Variants in PRMT8 observed in about 807,000 individuals in gnomAD.
PRMT8 encodes protein arginine methyltransferase 8, also known as protein arginine N-methyltransferase 8.
Under a neutral mutation model 47.1 loss-of-function variants are expected in PRMT8, and 7 were observed. That is an observed-to-expected ratio of 0.15 (90% confidence interval 0.08 to 0.28). The LOEUF is 0.28. Among genes scored for constraint, PRMT8 ranks in the 10% least tolerant of loss-of-function variants. The pLI, the probability that PRMT8 is intolerant of heterozygous loss-of-function variation, is 1.00. For missense variants in PRMT8, 237 were observed against 505.4 expected (o/e 0.47, Z 5.09); for synonymous variants, 188 against 186.5 (o/e 1.01, Z -0.07).
chr12:3,548,854 A>T (rs1866370324), intron 2 of PRMT8, among the ~76,000 whole-genome samples: 1 of 152,228 alleles, frequency 6.6e-6, no homozygotes, highest in Admixed American at 6.5e-5. Context: ...AAATGAAAAC[A>T]TATCCTTTGC....
Position 3,550,133 on chromosome 12 carries a change from C to A in PRMT8, c.417+42C>A. 1 of 1,605,854 alleles carries A rather than the reference C, an allele frequency of 6.2e-7. No homozygotes were observed. The highest frequency in any genetic ancestry group is 8.5e-7 in the Non-Finnish European group (1 of 1,174,502). On this transcript the variant is annotated intron_variant, in intron 3 of 9. Transcript: ENST00000382622. This position sits in a 1 kb window ranked among gnomAD's most constrained non-coding sequence, Gnocchi z 5.1. ...CTCCTGCATGCTGGCTTCCACAGAG[C>A]CAGCCTCTTGCCCTCTGCCTCCACC...
chr12:3,560,129 G>A (rs954705526), intron 4 of PRMT8, among the ~76,000 whole-genome samples: 2 of 152,182 alleles, frequency 1.3e-5, no homozygotes, highest in African/African-American at 4.8e-5. Flanking sequence ...AGGCCACGCA[G>A]GGCCCTGGCT....
chr12:3,483,450 GTT>G (rs3839983), intron 1 of PRMT8, among the ~76,000 whole-genome samples: 1 of 151,050 alleles, frequency 6.6e-6, no homozygotes, highest in Non-Finnish European at 1.5e-5. Context: ...AACCATGATA[GTT>G]TTTTTTTTCC....
chr12:3,547,577 A>G (rs913037679), intron 2 of PRMT8, among the ~76,000 whole-genome samples: 1 of 152,236 alleles, frequency 6.6e-6, no homozygotes, highest in Non-Finnish European at 1.5e-5. Flanking sequence ...CCGGCATTCA[A>G]GACCATCCTG....
chr12:3,568,934 A>G, intron 5 of PRMT8, 86 bp downstream of exon 5: 1 of 1,549,548 alleles, frequency 6.5e-7, no homozygotes, highest in Non-Finnish European at 8.8e-7. Flanking sequence ...AGGCATACGA[A>G]GACTTCAGAG....
In PRMT8 at chr12:3,593,749, C is replaced by T. The variant is rs34331631; in HGVS notation, c.*567C>T. ...AGGGGTGTGTGTGTGTGTGCGTGCG[C>T]GTGTGCCTAGAATATATATTACTCT... On this transcript the variant is annotated 3_prime_UTR_variant, in exon 10 of 10. Transcript: ENST00000382622. The surrounding 1 kb of genome is among the most constrained non-coding windows in gnomAD (Gnocchi z 4.8). The T allele has an allele frequency of 2.2e-3, 348 of 155,016 alleles. No homozygotes were observed. Among genetic ancestry groups the T allele is most frequent in the Non-Finnish European group, 4.0e-3 (280 of 69,862 alleles). The allele number at this position is 155,016 out of a possible 1,614,324, so 9.6% of individuals were successfully genotyped here.
At chr12:3,523,036 C>T (rs2137143799) in intron 1 of PRMT8, among the ~76,000 whole-genome samples, 3 of 152,008 alleles carry the variant, frequency 2.0e-5, no homozygotes, top group Middle Eastern at 3.4e-3. Flanking sequence ...AACTAATAGT[C>T]AGCAGAATTA....
At position 3,481,667 on chromosome 12, in the gene PRMT8, G is replaced by A. The variant is rs138404766; in HGVS notation, c.49-58939G>A. 6.7e-3 allele frequency among the ~76,000 whole-genome samples: 1,018 copies of A among 152,302 alleles called. 7 individuals are homozygous for A. The highest frequency in any genetic ancestry group is 0.012 in the Non-Finnish European group (797 of 68,032). The stretch of plus-strand genomic sequence containing the variant: ...GAGTATTGACTGAGGGCAGCCAGAG[G>A]TGAAGAAGACGTGAACCTATGATGT... On this transcript the variant is annotated intron_variant, in intron 1 of 9. Coordinates refer to the PRMT8 transcript ENST00000452611.
rs1230824937 is a variant in PRMT8 at position 3,547,856 on chromosome 12, A to G, written c.262-2080A>G. Among the ~76,000 whole-genome samples the G allele has an allele frequency of 1.3e-5, 2 of 152,246 alleles. 1 individual carries two copies. Among genetic ancestry groups the G allele is most frequent in the Non-Finnish European group, 2.9e-5 (2 of 68,046 alleles). On this transcript the variant is annotated intron_variant, in intron 2 of 9. Coordinates refer to ENST00000382622, the MANE Select transcript of PRMT8 (RefSeq NM_019854.5). The stretch of plus-strand genomic sequence containing the variant: ...TCTCCCCAAATTGATCTATAGATTT[A>G]ATACAAGTCTGATAGATGCCAGGAG...
upstream of PRMT8, among the ~76,000 whole-genome samples, chr12:3,489,436 T>C (rs1441915927): frequency 6.6e-6 from 1 of 151,730 alleles, no homozygotes; most frequent in Non-Finnish European, 1.5e-5. Flanking sequence ...CATGGGCAAA[T>C]GTCCTCCTCT....
intron 1 of PRMT8, among the ~76,000 whole-genome samples, chr12:3,435,314 T>C (rs1864726996): frequency 6.6e-6 from 1 of 152,088 alleles, no homozygotes; most frequent in African/African-American, 2.4e-5. Context: ...AGCTGGTGAG[T>C]TGAAGGGTTT....
chr12:3,491,987 T>A (rs1039574815), intron 1 of PRMT8, among the ~76,000 whole-genome samples: 1 of 151,704 alleles, frequency 6.6e-6, no homozygotes, highest in Non-Finnish European at 1.5e-5. Context: ...TGCCACCCGC[T>A]GCTCCCTTCT....
intron 8 of PRMT8, among the ~76,000 whole-genome samples, chr12:3,588,720 G>A (rs2137236068): frequency 1.3e-5 from 2 of 152,336 alleles, no homozygotes; most frequent in South Asian, 4.1e-4. Context: ...AAATGTAGAA[G>A]AAAAGCTGCC....
intron 1 of PRMT8, among the ~76,000 whole-genome samples, chr12:3,414,942 T>A (rs1864469260): frequency 6.6e-6 from 1 of 151,986 alleles, no homozygotes. Flanking sequence ...AACAGCAACA[T>A]TTGGGCAGAA....
At chr12:3,540,346 G>A (rs989518964) in intron 1 of PRMT8, among the ~76,000 whole-genome samples, 1 of 152,158 alleles carries the variant, frequency 6.6e-6, no homozygotes, top group Non-Finnish European at 1.5e-5. Flanking sequence ...GCATTGCTCA[G>A]GTCACCTAGC....
chr12:3,513,411 T>G (rs1865742535), intron 1 of PRMT8, among the ~76,000 whole-genome samples: 1 of 152,150 alleles, frequency 6.6e-6, no homozygotes, highest in South Asian at 2.1e-4. Flanking sequence ...TGAACAGGGA[T>G]TTTATATCTA....
intron 1 of PRMT8, among the ~76,000 whole-genome samples, chr12:3,431,876 C>T (rs1353268528): frequency 6.6e-6 from 1 of 152,154 alleles, no homozygotes; most frequent in Non-Finnish European, 1.5e-5. Flanking sequence ...GAGGCTTGAG[C>T]ATATTTACCT....
In PRMT8 at chr12:3,569,515, G is replaced by A. The variant is rs760251552; in HGVS notation, c.663G>A (p.Leu221=). Residue 221 remains leucine (L), a synonymous_variant, in exon 6 of 10, where the codon TTG becomes TTA. Transcript: ENST00000382622. The surrounding 1 kb of genome is among the most constrained non-coding windows in gnomAD (Gnocchi z 8.2). ...GGLMFPDRAA[L]YVVAIEDRQY... is the part of the protein sequence containing the mutation. Reference sequence around the variant, plus strand: ...TTATGTTTCCAGACCGGGCAGCTTTGTACGTGGTAGCGATTGAAGACAGAC... The same window carrying A: ...TTATGTTTCCAGACCGGGCAGCTTTATACGTGGTAGCGATTGAAGACAGAC... 3.1e-6 allele frequency: 5 copies of A among 1,614,186 alleles called. No individual in the cohort carries two copies. Among genetic ancestry groups the A allele is most frequent in the Non-Finnish European group, 3.4e-6 (4 of 1,180,036 alleles).
upstream of PRMT8, among the ~76,000 whole-genome samples, chr12:3,489,839 G>GCACACACA (rs35501021): frequency 1.7e-4 from 25 of 144,854 alleles, no homozygotes; most frequent in African/African-American, 4.5e-4. Flanking sequence ...ACACACGCGC[G>GCACACACA]CACACACACA....
Sources: gnomAD v4.1 joint callset for allele counts (sites outside exome capture counted in the v4.1 genomes callset) on GRCh38, gnomAD v4.1.1 for gene constraint, Gnocchi (gnomAD v3.1) non-coding constraint, MANE v1.5 for transcripts, NCBI Gene and HGNC (gene_info 2026-07-23, HGNC 2026-07-21) for gene names.